The following NRXN3 variants were observed in gnomAD, a reference collection of about 807,000 sequenced individuals.
The protein encoded by NRXN3 is neurexin III.
A neutral mutation model predicts 137.6 loss-of-function variants in NRXN3; 32 were observed. The observed-to-expected ratio is 0.23, with a 90% CI of 0.18 to 0.31. The LOEUF (loss-of-function observed/expected upper bound fraction) is 0.31, where lower values mean the gene tolerates loss of function less well. Ranked by LOEUF, NRXN3 falls within the 10% of genes least tolerant of loss-of-function variation. The pLI, the probability that NRXN3 is intolerant of heterozygous loss-of-function variation, is 1.00. For synonymous variants in NRXN3, 798 were observed against 784.5 expected (o/e 1.02, Z -0.29); for missense variants, 1,574 against 2,062.5 (o/e 0.76, Z 4.59).
chr14:78,982,463 G>A (rs1336942260), intron 14 of NRXN3, among the ~76,000 whole-genome samples: 7 of 151,928 alleles, frequency 4.6e-5, no homozygotes, highest in Admixed American at 4.6e-4. Flanking sequence ...CAGTGGAACA[G>A]GATAGAGACC....
At chr14:79,395,476 G>C (rs2094988141) in intron 15 of NRXN3, among the ~76,000 whole-genome samples, 1 of 152,114 alleles carries the variant, frequency 6.6e-6, no homozygotes, top group African/African-American at 2.4e-5. Context: ...CCTAGTAAAA[G>C]ATGTTGCATA....
intron 15 of NRXN3, among the ~76,000 whole-genome samples, chr14:79,376,746 G>T: frequency 6.6e-6 from 1 of 152,132 alleles, no homozygotes; most frequent in African/African-American, 2.4e-5. Context: ...GCTCTCCAAG[G>T]TGTGGTGTGT....
intron 15 of NRXN3, among the ~76,000 whole-genome samples, chr14:79,203,123 T>G (rs1026229025): frequency 6.6e-6 from 1 of 152,140 alleles, no homozygotes; most frequent in East Asian, 1.9e-4. Context: ...TACCTTTCCT[T>G]TATTGGTCTA....
chr14:78,989,245 A>G (rs1480177683), intron 15 of NRXN3, among the ~76,000 whole-genome samples: 1 of 152,228 alleles, frequency 6.6e-6, no homozygotes, highest in Non-Finnish European at 1.5e-5. Context: ...GTGTGACCAC[A>G]TGGGAGCAGA....
intron 4 of NRXN3, among the ~76,000 whole-genome samples, chr14:78,365,482 G>A (rs1285957543): frequency 1.3e-5 from 2 of 152,296 alleles, no homozygotes; most frequent in South Asian, 2.1e-4. Flanking sequence ...TGGAAGATAA[G>A]GTTTTGCAGG....
chr14:79,403,507 C>T lies in NRXN3; in HGVS notation c.3263-63714C>T, dbSNP rs535680323. Among the ~76,000 whole-genome samples the T allele has an allele frequency of 1.2e-4, 18 of 152,256 alleles. 2 individuals carry two copies. In the East Asian group the frequency reaches 3.5e-3, roughly 29 times the overall value. Reference sequence around the variant, plus strand: ...CCCTCTTAATCACTCAGATGATTTGCTTTTTCTGCTTCTATTTCAAAATAA... The same window carrying T: ...CCCTCTTAATCACTCAGATGATTTGTTTTTTCTGCTTCTATTTCAAAATAA... On this transcript the variant is annotated intron_variant, in intron 15 of 20. Transcript: ENST00000335750.
At chr14:78,864,854 G>T (rs949088586) in intron 10 of NRXN3, among the ~76,000 whole-genome samples, 2 of 152,110 alleles carry the variant, frequency 1.3e-5, no homozygotes, top group Non-Finnish European at 2.9e-5. Flanking sequence ...ATTCTTCCTG[G>T]TGTCTCTGTG....
At chr14:78,253,401 C>T (rs549012401) in intron 2 of NRXN3, among the ~76,000 whole-genome samples, 1 of 152,302 alleles carries the variant, frequency 6.6e-6, no homozygotes, top group East Asian at 1.9e-4. Context: ...AGTCTGGGCG[C>T]TGTGGCTCAC....
chr14:79,326,927 T>G (rs535106948), intron 15 of NRXN3, among the ~76,000 whole-genome samples: 14 of 152,312 alleles, frequency 9.2e-5, no homozygotes, highest in Admixed American at 3.9e-4. Flanking sequence ...CCATCCTCAA[T>G]GTCCTCCATC....
chr14:78,988,350 G>C (rs1379781608), intron 15 of NRXN3: 2 of 586,974 alleles, frequency 3.4e-6, no homozygotes, highest in Admixed American at 5.5e-5. Context: ...TCTCCCACTT[G>C]CTCACTCCCT....
chr14:79,619,911 G>A (rs952568470), intron 16 of NRXN3, among the ~76,000 whole-genome samples: 1 of 152,030 alleles, frequency 6.6e-6, no homozygotes, highest in Admixed American at 6.6e-5. Flanking sequence ...CAGAAACGAG[G>A]CTCCTTAGTT....
intron 6 of NRXN3, among the ~76,000 whole-genome samples, chr14:78,657,778 C>T (rs1164433486): frequency 6.6e-6 from 1 of 152,118 alleles, no homozygotes; most frequent in African/African-American, 2.4e-5. Context: ...AATTGCTATA[C>T]GTTTATTTGA....
At chr14:79,137,457 A>G (rs1363223695) in intron 15 of NRXN3, among the ~76,000 whole-genome samples, 1 of 8,392 alleles carries the variant, frequency 1.2e-4, no homozygotes, top group Non-Finnish European at 2.2e-4. Flanking sequence ...AACCTGAGAC[A>G]TAAACAATGT....
intron 8 of NRXN3, among the ~76,000 whole-genome samples, chr14:78,730,366 T>C (rs535223164): frequency 1.3e-5 from 2 of 152,248 alleles, no homozygotes; most frequent in East Asian, 3.9e-4. Flanking sequence ...GCTTACCTTT[T>C]CTTTTTCCTG....
intron 16 of NRXN3, among the ~76,000 whole-genome samples, chr14:79,523,167 A>AT (rs200858063): frequency 4.6e-4 from 70 of 151,710 alleles, no homozygotes; most frequent in Admixed American, 3.4e-3. Flanking sequence ...AAATTAAGAG[A>AT]TTTTTTTTTC....
chr14:78,621,436 T>G (rs2097403051), intron 4 of NRXN3, among the ~76,000 whole-genome samples: 1 of 152,156 alleles, frequency 6.6e-6, no homozygotes, highest in South Asian at 2.1e-4. Flanking sequence ...CTACCAATCT[T>G]CACTACTTCA....
chr14:78,472,466 G>T (rs2095293219), intron 4 of NRXN3, among the ~76,000 whole-genome samples: 1 of 152,108 alleles, frequency 6.6e-6, no homozygotes, highest in Non-Finnish European at 1.5e-5. Context: ...GTGGAAAATT[G>T]GTTCTACCCT....
At chr14:78,996,102 T>C (rs1375327804) in intron 15 of NRXN3, among the ~76,000 whole-genome samples, 2 of 152,210 alleles carry the variant, frequency 1.3e-5, no homozygotes, top group African/African-American at 4.8e-5. Flanking sequence ...ATGATTTTTT[T>C]CCCCTAACTT....
At chr14:79,753,980 T>A (rs2099008520) in intron 19 of NRXN3, among the ~76,000 whole-genome samples, 1 of 151,992 alleles carries the variant, frequency 6.6e-6, no homozygotes, top group Admixed American at 6.6e-5. Flanking sequence ...TTAGGTATTA[T>A]ACCTAATTTA....
Sources: allele counts gnomAD v4.1 joint callset (sites outside exome capture counted in the v4.1 genomes callset), GRCh38; gene constraint gnomAD v4.1.1; transcripts MANE v1.5; gene names NCBI Gene and HGNC (gene_info 2026-07-23, HGNC 2026-07-21).